Variants in SAMD12 observed in about 807,000 individuals in gnomAD.
The protein encoded by SAMD12 is sterile alpha motif domain-containing protein 12.
In SAMD12, 9 loss-of-function variants were observed where a neutral mutation model predicts 15.0. The observed-to-expected ratio is 0.60, with a 90% CI of 0.36 to 1.05. SAMD12 has a LOEUF of 1.05. Among genes scored for constraint, SAMD12 ranks in the 50% least tolerant of loss-of-function variants. The pLI, the probability that SAMD12 is intolerant of heterozygous loss-of-function variation, is 0.01. For synonymous variants in SAMD12, 86 were observed against 90.1 expected (o/e 0.96, Z 0.25); for missense variants, 230 against 234.2 (o/e 0.98, Z 0.12).
chr8:118,489,048 C>CTGGGGAGGAGGTTGTGG (rs1387930077), intron 2 of SAMD12, among the ~76,000 whole-genome samples: 1 of 152,148 alleles, frequency 6.6e-6, no homozygotes, highest in Non-Finnish European at 1.5e-5. Flanking sequence ...TATAGACATT[C>CTGGGGAGGAGGTTGTGG]TGGGGAGGAG....
chr8:118,561,962 A>T (rs1351282250), intron 2 of SAMD12, among the ~76,000 whole-genome samples: 1 of 152,228 alleles, frequency 6.6e-6, no homozygotes, highest in African/African-American at 2.4e-5. Context: ...ACAAATATAG[A>T]AACCAACATC....
chr8:118,546,594 G>T (rs761618338), intron 2 of SAMD12, among the ~76,000 whole-genome samples: 5 of 152,174 alleles, frequency 3.3e-5, no homozygotes, highest in Non-Finnish European at 7.3e-5. Flanking sequence ...ATTACAATGA[G>T]ACATTTCTAG....
At chr8:118,280,698 C>T (rs1046434521) in intron 4 of SAMD12, among the ~76,000 whole-genome samples, 3 of 152,204 alleles carry the variant, frequency 2.0e-5, no homozygotes, top group Admixed American at 1.3e-4. Flanking sequence ...CTGGTTTGAG[C>T]CTAGCTTCCA....
intron 2 of SAMD12, among the ~76,000 whole-genome samples, chr8:118,440,884 T>C (rs907358034): frequency 1.3e-5 from 2 of 152,126 alleles, no homozygotes; most frequent in African/African-American, 4.8e-5. Context: ...TGCTTCACTA[T>C]CTAGAATTTT....
At chr8:118,461,817 C>T (rs10090078) in intron 2 of SAMD12, among the ~76,000 whole-genome samples, 2,839 of 152,210 alleles carry the variant, frequency 0.019, 95 homozygotes, top group African/African-American at 0.063. Context: ...GAATACCCAT[C>T]GGGGAAACAT....
At chr8:118,488,665 A>G (rs1824353981) in intron 2 of SAMD12, among the ~76,000 whole-genome samples, 1 of 152,208 alleles carries the variant, frequency 6.6e-6, no homozygotes, top group Non-Finnish European at 1.5e-5. Context: ...TTTGTTTTGT[A>G]CAACATCCAT....
At chr8:118,542,973 A>G (rs1826025809) in intron 2 of SAMD12, among the ~76,000 whole-genome samples, 1 of 152,216 alleles carries the variant, frequency 6.6e-6, no homozygotes, top group Non-Finnish European at 1.5e-5. Flanking sequence ...AGGGAATGGA[A>G]GAAGTGAAGG....
intron 4 of SAMD12, chr8:118,239,800 C>T (rs2129962227): frequency 1.3e-5 from 2 of 152,284 alleles, no homozygotes; most frequent in East Asian, 3.9e-4. Flanking sequence ...CCAGCCACAA[C>T]ACTGGAATCT....
At chr8:118,262,944 TTTTC>T (rs917381683) in intron 4 of SAMD12, among the ~76,000 whole-genome samples, 4 of 152,198 alleles carry the variant, frequency 2.6e-5, no homozygotes, top group East Asian at 3.9e-4. Context: ...TTCTGAAAAG[TTTTC>T]TTTAATTCAT....
intron 4 of SAMD12, among the ~76,000 whole-genome samples, chr8:118,214,181 C>T (rs147225246): frequency 7.2e-5 from 11 of 152,198 alleles, no homozygotes; most frequent in African/African-American, 2.2e-4. Context: ...GAATGGCATC[C>T]GAAGAAGAAA....
chr8:118,265,125 C>T (rs1813168794), intron 4 of SAMD12, among the ~76,000 whole-genome samples: 1 of 152,156 alleles, frequency 6.6e-6, no homozygotes, highest in Non-Finnish European at 1.5e-5. Flanking sequence ...ATCTTCAAAA[C>T]ACCCACAACT....
At chr8:118,192,618 C>G (rs3802183) in exon 5 of SAMD12, 1 of 142,916 alleles carries the variant, frequency 7.0e-6, no homozygotes, top group Non-Finnish European at 1.5e-5. Context: ...AAATAACCAA[C>G]CAACCAAACA....
At chr8:118,133,430 A>C in the SAMD12 span, among the ~76,000 whole-genome samples, 1 of 152,076 alleles carries the variant, frequency 6.6e-6, no homozygotes, top group East Asian at 1.9e-4. Context: ...GGTTTGCTGC[A>C]CAGATCAATT....
intron 4 of SAMD12, among the ~76,000 whole-genome samples, chr8:118,307,245 T>C (rs1433270680): frequency 1.3e-5 from 2 of 152,198 alleles, no homozygotes; most frequent in Non-Finnish European, 2.9e-5. Context: ...TGGGTGTCAA[T>C]TAGAAATGTG....
rs776421461 is a variant in SAMD12 at position 118,580,705 on chromosome 8, T to C, written c.192+10A>G. On this transcript the variant is annotated intron_variant, in intron 2 of 3. Coordinates refer to ENST00000314727, the MANE Select transcript of SAMD12 (RefSeq NM_207506.3). ...TTCAAATCTCCGTAATTAACTGGAATATTACGCACCTTAGCCGTCTCAGCT... is the reference window on the plus strand; with the variant it reads ...TTCAAATCTCCGTAATTAACTGGAACATTACGCACCTTAGCCGTCTCAGCT... 1.2e-6 allele frequency: 2 copies of C among 1,601,490 alleles called. No homozygotes were observed. Among genetic ancestry groups the C allele is most frequent in the Non-Finnish European group, 1.7e-6 (2 of 1,170,650 alleles).
intron 2 of SAMD12, among the ~76,000 whole-genome samples, chr8:118,551,700 G>A (rs1826340258): frequency 6.7e-6 from 1 of 149,298 alleles, no homozygotes; most frequent in African/African-American, 2.5e-5. Context: ...AGGAAATAGA[G>A]ACACAAAAAA....
intron 2 of SAMD12, among the ~76,000 whole-genome samples, chr8:118,523,583 A>C (rs1329367223): frequency 1.3e-5 from 2 of 152,118 alleles, no homozygotes; most frequent in Non-Finnish European, 2.9e-5. Flanking sequence ...ACAAAACCCC[A>C]ATCTTCCATG....
intron 4 of SAMD12, among the ~76,000 whole-genome samples, chr8:118,366,853 AAATAAAATAAAATAAAATAAAATAAAAT>A (rs1379097348): frequency 1.3e-4 from 16 of 124,538 alleles, no homozygotes; most frequent in African/African-American, 1.9e-4. Flanking sequence ...AAATAAAATA[AAATAAAATAAAATAAAATAAAATAAAAT>A]AATAAAATAA....
chr8:118,586,115 A>C (rs757072517), intron 1 of SAMD12, among the ~76,000 whole-genome samples: 2 of 152,148 alleles, frequency 1.3e-5, no homozygotes, highest in Non-Finnish European at 2.9e-5. Flanking sequence ...TGGCTCCCCA[A>C]CCAAGGAACC....
Sources: allele counts gnomAD v4.1 joint callset (sites outside exome capture counted in the v4.1 genomes callset), GRCh38; gene constraint gnomAD v4.1.1; transcripts MANE v1.5; gene names NCBI Gene and HGNC (gene_info 2026-07-23, HGNC 2026-07-21).